The following ABCA13 variants were observed in gnomAD, a reference collection of about 807,000 sequenced individuals.
ABCA13 encodes ATP-binding cassette sub-family A member 13.
In ABCA13, 476 loss-of-function variants were observed where a neutral mutation model predicts 478.7. The observed-to-expected ratio is 0.99, with a 90% CI of 0.92 to 1.07. The LOEUF is 1.07. ABCA13 is among the 50% of genes least tolerant of loss of function. The pLI, the probability that ABCA13 is intolerant of heterozygous loss-of-function variation, is 0.00. For missense variants in ABCA13, 6,060 were observed against 5,910.6 expected (o/e 1.03, Z -0.83); for synonymous variants, 2,252 against 2,158.9 (o/e 1.04, Z -1.20).
chr7:48,507,874 T>C lies in ABCA13; in HGVS notation c.13349T>C (p.Leu4450Pro), dbSNP rs1407011799. ...GAGCTGCTCTGTTCCACCCGCAGCC[T>C]GGAGAGCATCCGTCAGTGTGGAGTG... ...GGALLNEDKILESIRQCGVAL... is the reference protein window; with the variant it reads ...GGALLNEDKIPESIRQCGVAL... The change falls in exon 50 of 62, where the codon CTG becomes CCG. Residue 4450 changes from leucine (L) to proline (P), a missense_variant and splice_region_variant. Around this residue, in one of 3 missense-constraint regions of ABCA13, gnomAD observed 1,627 missense variants for 1,571.0 expected, o/e 1.04. Coordinates refer to ENST00000435803, the MANE Select transcript of ABCA13 (RefSeq NM_152701.5). The C allele has an allele frequency of 1.2e-6, 2 of 1,605,654 alleles. No individual in the cohort carries two copies. Among genetic ancestry groups the C allele is most frequent in the Admixed American group, 3.4e-5 (2 of 59,082 alleles).
chr7:48,374,443 ACT>A, intron 34 of ABCA13, 27 bp downstream of exon 34: 2 of 1,584,150 alleles, frequency 1.3e-6, no homozygotes, highest in African/African-American at 1.3e-5. Flanking sequence ...GTAAAAAGTG[ACT>A]CTCAGTGAAT....
At chr7:48,553,404 C>T (rs1388482161) in intron 55 of ABCA13, among the ~76,000 whole-genome samples, 1 of 152,058 alleles carries the variant, frequency 6.6e-6, no homozygotes, top group East Asian at 1.9e-4. Flanking sequence ...TCCATAGTGA[C>T]TACCAATTTA....
chr7:48,368,458 T>A (rs1309153028), intron 32 of ABCA13, among the ~76,000 whole-genome samples: 2 of 151,830 alleles, frequency 1.3e-5, no homozygotes, highest in East Asian at 1.9e-4. Context: ...TCAATCACCA[T>A]CCCCAACCCT....
intron 11 of ABCA13, 37 bp downstream of exon 11, chr7:48,244,740 TA>T: frequency 6.4e-7 from 1 of 1,550,476 alleles, no homozygotes; most frequent in Non-Finnish European, 8.7e-7. Flanking sequence ...CCTGACTCAC[TA>T]AGAGTAAATG....
chr7:48,235,336 T>C (rs552167071), intron 8 of ABCA13, among the ~76,000 whole-genome samples: 1 of 152,376 alleles, frequency 6.6e-6, no homozygotes, highest in African/African-American at 2.4e-5. Flanking sequence ...GTTTTCTCCA[T>C]CTTTATAACC....
chr7:48,547,653 A>G (rs1784940011), intron 55 of ABCA13, among the ~76,000 whole-genome samples: 1 of 151,954 alleles, frequency 6.6e-6, no homozygotes, highest in Non-Finnish European at 1.5e-5. Context: ...ACACTGGTGT[A>G]AAAATGATAC....
At position 48,645,403 on chromosome 7, in the gene ABCA13, A is replaced by G; in HGVS notation, c.15082-14A>G. The G allele has an allele frequency of 6.5e-7, 1 of 1,545,116 alleles. No homozygotes were observed. The highest frequency in any genetic ancestry group is 1.2e-5 in the South Asian group (1 of 83,890). ...ATTCTTATAAGTAAACAACATTTTT[A>G]TGGTTTTTTTCAGGTATTTATTAAT... On this transcript the variant is annotated splice_polypyrimidine_tract_variant and intron_variant, in intron 61 of 61. Coordinates refer to ENST00000435803, the MANE Select transcript of ABCA13 (RefSeq NM_152701.5).
At chr7:48,343,371 T>A (rs1182400011) in intron 29 of ABCA13, among the ~76,000 whole-genome samples, 1 of 152,146 alleles carries the variant, frequency 6.6e-6, no homozygotes, top group South Asian at 2.1e-4. Flanking sequence ...CCTGGATAGA[T>A]TCCCTATTTG....
At chr7:48,318,941 T>C (rs559529997) in intron 27 of ABCA13, among the ~76,000 whole-genome samples, 12 of 152,336 alleles carry the variant, frequency 7.9e-5, no homozygotes, top group African/African-American at 2.2e-4. Flanking sequence ...AGTGTGATGA[T>C]CTCTGCTTTT....
rs1227014707 is a variant in ABCA13 at position 48,175,546 on chromosome 7, G to A, written c.69+3994G>A. Among the ~76,000 whole-genome samples, 7 of 152,188 alleles carry A rather than the reference G, an allele frequency of 4.6e-5. No homozygotes were observed. The East Asian group carries it at 1.4e-3, about 29-fold the overall frequency. Reference sequence around the variant, plus strand: ...AGCGATTCTCCTGCCTCAGCATCCTGAATAGCTGGGATTACAGGCGAGTGC... The same window carrying A: ...AGCGATTCTCCTGCCTCAGCATCCTAAATAGCTGGGATTACAGGCGAGTGC... On this transcript the variant is annotated intron_variant, in intron 1 of 61. Coordinates refer to ENST00000435803, the MANE Select transcript of ABCA13 (RefSeq NM_152701.5).
intron 25 of ABCA13, among the ~76,000 whole-genome samples, chr7:48,313,570 G>C (rs922385959): frequency 1.3e-5 from 2 of 152,186 alleles, no homozygotes; most frequent in African/African-American, 2.4e-5. Context: ...AGAGCAAATT[G>C]CTTTCAAAAA....
chr7:48,450,739 C>T (rs1203281024), intron 42 of ABCA13, among the ~76,000 whole-genome samples: 2 of 151,790 alleles, frequency 1.3e-5, no homozygotes, highest in East Asian at 3.9e-4. Flanking sequence ...GGTCATATTC[C>T]CTCTCCCACT....
chr7:48,419,501 G>A (rs1218761068), intron 41 of ABCA13, among the ~76,000 whole-genome samples: 3 of 152,108 alleles, frequency 2.0e-5, no homozygotes, highest in Non-Finnish European at 4.4e-5. Flanking sequence ...AAGTACAGAG[G>A]AGTTTCATCC....
At chr7:48,640,359 G>A (rs1394872343) in intron 59 of ABCA13, among the ~76,000 whole-genome samples, 1 of 152,148 alleles carries the variant, frequency 6.6e-6, no homozygotes, top group Non-Finnish European at 1.5e-5. Context: ...TGCTCTTGAA[G>A]TGTCTGACTT....
At position 48,615,289 on chromosome 7, in the gene ABCA13, G is replaced by A. The variant is rs753107381; in HGVS notation, c.14749G>A (p.Glu4917Lys). The A allele has an allele frequency of 4.1e-5, 63 of 1,547,206 alleles. No individual in the cohort carries two copies. Among genetic ancestry groups the A allele is most frequent in the Non-Finnish European group, 5.3e-5 (60 of 1,142,036 alleles). ...CAAVLTSHSM[E>K]ECEALCTRLA... Reference sequence around the variant, plus strand: ...GTCTCTTTTCCTTCTTTACAGCATGGAGGAGTGTGAGGCTCTTTGCACAAG... The same window carrying A: ...GTCTCTTTTCCTTCTTTACAGCATGAAGGAGTGTGAGGCTCTTTGCACAAG... Residue 4917 changes from glutamate to lysine, a missense_variant, in exon 59 of 62, where the codon GAG becomes AAG. Glu to Lys is a moderately conservative substitution (Grantham distance 56, BLOSUM62 1). Around this residue, in one of 3 missense-constraint regions of ABCA13, gnomAD observed 1,627 missense variants for 1,571.0 expected, o/e 1.04. Transcript: ENST00000435803.
chr7:48,636,999 G>A (rs1430718217), intron 59 of ABCA13, among the ~76,000 whole-genome samples: 2 of 152,048 alleles, frequency 1.3e-5, no homozygotes, highest in African/African-American at 4.8e-5. Context: ...TGTATTACAT[G>A]GGATCTGACT....
rs376091091 is a variant in ABCA13, at chr7:48,477,467, A to G, written c.12976-3569A>G. On this transcript the variant is annotated intron_variant, in intron 45 of 61. Transcript: ENST00000435803. ...TATGTTTATTGCAGCACTATTCACA[A>G]TAGCAAAGACTTGGAACCAACCCAA... 4.6e-5 allele frequency among the ~76,000 whole-genome samples: 7 copies of G among 152,158 alleles called. No individual in the cohort carries two copies. In the South Asian group the frequency reaches 6.2e-4, roughly 14 times the overall value.
chr7:48,433,133 A>G (rs1281587214), intron 42 of ABCA13, among the ~76,000 whole-genome samples: 1 of 151,968 alleles, frequency 6.6e-6, no homozygotes, highest in African/African-American at 2.4e-5. Flanking sequence ...TTAAAAAAAA[A>G]AGAAATAAAA....
At chr7:48,302,709 T>C (rs1584736503) in intron 23 of ABCA13, among the ~76,000 whole-genome samples, 1 of 152,222 alleles carries the variant, frequency 6.6e-6, no homozygotes, top group Non-Finnish European at 1.5e-5. Context: ...TATTCCATGG[T>C]GTATATGTAC....
Sources: allele counts gnomAD v4.1 joint callset (sites outside exome capture counted in the v4.1 genomes callset), GRCh38; gene constraint gnomAD v4.1.1; regional missense constraint gnomAD v4.1.1; transcripts MANE v1.5; gene names NCBI Gene and HGNC (gene_info 2026-07-23, HGNC 2026-07-21).